Variants in ARHGEF12 observed in about 807,000 individuals in gnomAD.
The protein encoded by ARHGEF12 is Rho guanine nucleotide exchange factor 12.
In ARHGEF12, 66 loss-of-function variants were observed where a neutral mutation model predicts 211.2. The observed-to-expected ratio is 0.31, with a 90% CI of 0.26 to 0.38. The LOEUF is 0.38. ARHGEF12 is among the 10% of genes least tolerant of loss of function. The probability of loss-of-function intolerance (pLI) is 1.00; values close to 1 mark genes in which losing one functional copy is unlikely to be tolerated. For synonymous variants in ARHGEF12, 592 were observed against 638.4 expected (o/e 0.93, Z 1.09); for missense variants, 1,429 against 1,869.5 (o/e 0.76, Z 4.34).
At chr11:120,352,855 T>TATA (rs1943025780) in intron 1 of ARHGEF12, among the ~76,000 whole-genome samples, 1 of 152,240 alleles carries the variant, frequency 6.6e-6, no homozygotes, top group Non-Finnish European at 1.5e-5. Context: ...TCTTCCTGCC[T>TATA]ATATCAGAAC....
At chr11:120,475,537 T>A (rs763744841) in intron 33 of ARHGEF12, 30 bp downstream of exon 33, 4 of 1,605,014 alleles carry the variant, frequency 2.5e-6, no homozygotes, top group Non-Finnish European at 3.4e-6. Flanking sequence ...GATACTAATT[T>A]CCAGATTCAT....
At chr11:120,440,926 G>A (rs1206027087) in intron 13 of ARHGEF12, among the ~76,000 whole-genome samples, 1 of 152,112 alleles carries the variant, frequency 6.6e-6, no homozygotes, top group Non-Finnish European at 1.5e-5. Flanking sequence ...GTTGAATTTT[G>A]TGGAATGAGA....
At chr11:120,479,866 A>G (rs1271285647) in intron 37 of ARHGEF12, 94 bp from the exon 38 acceptor site, 7 of 986,708 alleles carry the variant, frequency 7.1e-6, no homozygotes, top group Admixed American at 2.3e-5. Context: ...CTTTTTAAAG[A>G]TAGATCATTG....
chr11:120,419,082 C>T (rs1367186814), intron 4 of ARHGEF12, among the ~76,000 whole-genome samples: 1 of 151,858 alleles, frequency 6.6e-6, no homozygotes, highest in African/African-American at 2.4e-5. Flanking sequence ...GCCTCAGCCT[C>T]CCGAGTAGCT....
intron 2 of ARHGEF12, 26 bp from the exon 3 acceptor site, chr11:120,407,712 C>A (rs752341914): frequency 6.5e-7 from 1 of 1,548,748 alleles, no homozygotes; most frequent in Non-Finnish European, 8.9e-7. Flanking sequence ...TTGCACTAAG[C>A]ATTTGATTAC....
At chr11:120,433,234 T>C (rs921941193) in intron 11 of ARHGEF12, among the ~76,000 whole-genome samples, 2 of 152,108 alleles carry the variant, frequency 1.3e-5, no homozygotes, top group Non-Finnish European at 2.9e-5. Flanking sequence ...GTAATCGAAA[T>C]ATAAACAAAA....
intron 11 of ARHGEF12, among the ~76,000 whole-genome samples, chr11:120,436,792 A>G (rs984046398): frequency 2.0e-5 from 3 of 152,202 alleles, no homozygotes; most frequent in African/African-American, 7.2e-5. Flanking sequence ...GGACTTGAGC[A>G]TCCATTCCCC....
chr11:120,484,076 TC>T (rs1947333871), intron 39 of ARHGEF12, among the ~76,000 whole-genome samples: 1 of 152,156 alleles, frequency 6.6e-6, no homozygotes, highest in Admixed American at 6.5e-5. Flanking sequence ...TAAGGGACCA[TC>T]ATCATGTATG....
At chr11:120,346,776 A>C (rs1565416474) in intron 1 of ARHGEF12, among the ~76,000 whole-genome samples, 1 of 152,136 alleles carries the variant, frequency 6.6e-6, no homozygotes, top group African/African-American at 2.4e-5. Context: ...TGTTCCCTTT[A>C]TTACTCCAGC....
intron 1 of ARHGEF12, among the ~76,000 whole-genome samples, chr11:120,349,074 G>A (rs1437275477): frequency 6.6e-6 from 1 of 152,192 alleles, no homozygotes; most frequent in African/African-American, 2.4e-5. Context: ...TACCTTGGTT[G>A]TATTTTAGTT....
At chr11:120,367,063 G>C (rs1230169857) in intron 1 of ARHGEF12, among the ~76,000 whole-genome samples, 3 of 151,894 alleles carry the variant, frequency 2.0e-5, no homozygotes, top group Non-Finnish European at 4.4e-5. Flanking sequence ...GGCAAAGAAG[G>C]GTTGAGTAGT....
chr11:120,384,705 C>T (rs905548910), intron 1 of ARHGEF12, among the ~76,000 whole-genome samples: 5 of 152,100 alleles, frequency 3.3e-5, no homozygotes, highest in Admixed American at 2.0e-4. Context: ...CAAACACAAA[C>T]AGACAGAGTA....
chr11:120,424,553 A>G, intron 7 of ARHGEF12, 138 bp downstream of exon 7: 4 of 596,746 alleles, frequency 6.7e-6, no homozygotes, highest in Non-Finnish European at 1.2e-5. Flanking sequence ...CTGTCATTGT[A>G]TCATGAAAGC....
chr11:120,409,751 C>G lies in ARHGEF12; in HGVS notation c.199+301C>G, dbSNP rs149887166. 535 of 243,052 alleles carry G rather than the reference C, an allele frequency of 2.2e-3. 6 individuals are homozygous for G. The highest frequency in any genetic ancestry group is 0.02 in the Admixed American group (383 of 19,504). The allele number at this position is 243,052 out of a possible 1,614,324, so 15.1% of individuals were successfully genotyped here. A position where few individuals can be genotyped will look rare whatever the true frequency, so the allele number is the denominator to read the frequency against. On this transcript the variant is annotated intron_variant, in intron 4 of 40. Coordinates refer to ENST00000397843, the MANE Select transcript of ARHGEF12 (RefSeq NM_015313.3). ...TCTCTAATATGTTTGGGTCAGGTTC[C>G]TCCAAATAACATGAATGGGCTTTGA... is the stretch of plus-strand genomic sequence containing the variant.
intron 39 of ARHGEF12, among the ~76,000 whole-genome samples, chr11:120,483,427 A>AT (rs375679841): frequency 0.19 from 23,310 of 120,930 alleles, 2,348 homozygotes; most frequent in Middle Eastern, 0.27. Flanking sequence ...GCCCAGATAA[A>AT]TTTTTTTTTT....
chr11:120,372,936 TA>T (rs1165513384), intron 1 of ARHGEF12, among the ~76,000 whole-genome samples: 1 of 151,974 alleles, frequency 6.6e-6, no homozygotes, highest in Non-Finnish European at 1.5e-5. Context: ...CCCCTAGAAT[TA>T]AAAATAAATG....
chr11:120,340,913 G>C (rs1942516016), intron 1 of ARHGEF12, among the ~76,000 whole-genome samples: 1 of 152,168 alleles, frequency 6.6e-6, no homozygotes, highest in South Asian at 2.1e-4. Flanking sequence ...TAGTCTTCCT[G>C]ATTAATGGTA....
intron 18 of ARHGEF12, 58 bp from the exon 19 acceptor site, chr11:120,447,815 CA>C (rs1555115590): frequency 7.0e-6 from 9 of 1,288,480 alleles, no homozygotes; most frequent in African/African-American, 3.1e-5. Flanking sequence ...GACTCTGTCT[CA>C]AAAAAATTAA....
chr11:120,437,834 C>T (rs931669857), intron 12 of ARHGEF12, among the ~76,000 whole-genome samples: 3 of 152,128 alleles, frequency 2.0e-5, no homozygotes, highest in African/African-American at 2.4e-5. Flanking sequence ...AATGTTTATC[C>T]GTTCATGACT....
Sources: gnomAD v4.1 joint callset for allele counts (sites outside exome capture counted in the v4.1 genomes callset) on GRCh38, gnomAD v4.1.1 for gene constraint, MANE v1.5 for transcripts, NCBI Gene and HGNC (gene_info 2026-07-23, HGNC 2026-07-21) for gene names.